Variants in PRKAR1B observed in about 807,000 individuals in gnomAD.
The protein encoded by PRKAR1B is cAMP-dependent protein kinase type I-beta regulatory subunit.
PRKAR1B carries 22 observed loss-of-function variants against 46.5 expected under a neutral mutation model. The ratio of observed to expected loss-of-function variants is 0.47; its 90% CI spans 0.34 to 0.68. PRKAR1B has a LOEUF of 0.68. Ranked by LOEUF, PRKAR1B falls within the 30% of genes least tolerant of loss-of-function variation. The probability of loss-of-function intolerance (pLI) is 0.01; values close to 1 mark genes in which losing one functional copy is unlikely to be tolerated. For synonymous variants in PRKAR1B, 259 were observed against 217.7 expected, an observed-to-expected ratio of 1.19 and a Z score of -1.67; for missense variants, 445 against 535.6, an observed-to-expected ratio of 0.83 and a Z score of 1.67.
At chr7:623,890 T>TA (rs1403951519) in intron 4 of PRKAR1B, among the ~76,000 whole-genome samples, 1 of 151,956 alleles carries the variant, frequency 6.6e-6, no homozygotes, top group African/African-American at 2.4e-5. Flanking sequence ...AGAAGGGAGG[T>TA]ACAAGCCAAG....
intron 9 of PRKAR1B, among the ~76,000 whole-genome samples, chr7:564,126 C>T (rs1043309762): frequency 3.9e-5 from 6 of 152,162 alleles, no homozygotes; most frequent in South Asian, 4.2e-4. Flanking sequence ...CCATACCCCA[C>T]GCAGCCACCA....
intron 4 of PRKAR1B, among the ~76,000 whole-genome samples, chr7:627,510 G>A (rs962574900): frequency 6.6e-6 from 1 of 152,188 alleles, no homozygotes; most frequent in African/African-American, 2.4e-5. Flanking sequence ...GACCCAGGCG[G>A]TCGGACAGCC....
intron 7 of PRKAR1B, among the ~76,000 whole-genome samples, chr7:591,405 C>T (rs917863883): frequency 2.6e-5 from 4 of 152,094 alleles, no homozygotes; most frequent in East Asian, 1.9e-4. Context: ...GCCCACGGCA[C>T]GGGGAGGGCG....
intron 9 of PRKAR1B, among the ~76,000 whole-genome samples, chr7:576,202 C>T (rs960785262): frequency 6.9e-6 from 1 of 144,204 alleles, no homozygotes; most frequent in Admixed American, 6.8e-5. Flanking sequence ...TGCACATGGG[C>T]AGGCGTGCAC....
chr7:554,211 T>C (rs923257221), intron 9 of PRKAR1B, among the ~76,000 whole-genome samples: 3 of 152,186 alleles, frequency 2.0e-5, no homozygotes, highest in African/African-American at 2.4e-5. Context: ...AGAACTCTGC[T>C]TCCTGGTCTT....
At chr7:671,252 C>T (rs553291985) in intron 4 of PRKAR1B, among the ~76,000 whole-genome samples, 23 of 152,310 alleles carry the variant, frequency 1.5e-4, no homozygotes, top group Admixed American at 3.9e-4. Flanking sequence ...TGGCCAGAGC[C>T]GGGCTTTTGA....
intron 4 of PRKAR1B, chr7:607,849 A>AT (rs1290689301): frequency 4.9e-6 from 1 of 205,118 alleles, no homozygotes; most frequent in African/African-American, 2.4e-5. Flanking sequence ...TGTTTTCTGC[A>AT]TTGTTTTCCT....
rs66758527 is a variant in PRKAR1B, at chr7:611,769, A to AATGGATGGATGG, written c.441-4329_441-4318dup. Among the ~76,000 whole-genome samples the AATGGATGGATGG allele has an allele frequency of 6.3e-3, 942 of 150,066 alleles. 8 individuals carry two copies. The highest frequency in any genetic ancestry group is 0.022 in the African/African-American group (890 of 40,870). On this transcript the variant is annotated intron_variant, in intron 4 of 10. Coordinates refer to ENST00000537384, the MANE Select transcript of PRKAR1B (RefSeq NM_001164760.2). ...GTACAGGTGGGTGAGTAGACGAATG[A>AATGGATGGATGG]ATGGATGGATGGATGGATGGATGGA...
chr7:675,589 CAA>C, intron 4 of PRKAR1B, among the ~76,000 whole-genome samples: 1 of 152,276 alleles, frequency 6.6e-6, no homozygotes, highest in East Asian at 1.9e-4. Context: ...GAATTTATCT[CAA>C]AGAAAGAAAC....
At chr7:552,389 T>TC (rs1313681959) in intron 9 of PRKAR1B, among the ~76,000 whole-genome samples, 13 of 24,630 alleles carry the variant, frequency 5.3e-4, no homozygotes, top group Non-Finnish European at 7.2e-4. Context: ...CGGGTCCTTC[T>TC]CCAGAGCCAC....
chr7:599,170 G>A (rs1781448972), intron 6 of PRKAR1B, among the ~76,000 whole-genome samples: 1 of 152,196 alleles, frequency 6.6e-6, no homozygotes, highest in Non-Finnish European at 1.5e-5. Flanking sequence ...GTGCTCGGCC[G>A]CCCGGAGGAC....
rs1779137443 is a variant in PRKAR1B at position 566,381 on chromosome 7, TCATCACCAC to T, written c.891+12866_891+12874del. Among the ~76,000 whole-genome samples, 3 of 1,452 alleles carry T rather than the reference TCATCACCAC, an allele frequency of 2.1e-3. No homozygotes were observed. In the South Asian group the frequency reaches 0.062, roughly 30 times the overall value. 1.0% of individuals were successfully genotyped at this position (1,452 alleles called of 152,430 possible). A position where few individuals can be genotyped will look rare whatever the true frequency, so the allele number is the denominator to read the frequency against. On this transcript the variant is annotated intron_variant, in intron 9 of 10. Transcript: ENST00000537384. ...TCACCATATTCACCATTTCATCACCTCATCACCACCATCACCACCACTTCCACCATCATT... is the reference window on the plus strand; with the variant it reads ...TCACCATATTCACCATTTCATCACCTCATCACCACCACTTCCACCATCATT...
chr7:678,583 T>A (rs1287822665), intron 3 of PRKAR1B, among the ~76,000 whole-genome samples: 1 of 152,204 alleles, frequency 6.6e-6, no homozygotes. Context: ...CCGCTTAAAA[T>A]GAAACCACGC....
chr7:587,723 G>A (rs1157235774), intron 7 of PRKAR1B, among the ~76,000 whole-genome samples: 1 of 151,370 alleles, frequency 6.6e-6, no homozygotes, highest in Admixed American at 6.6e-5. Context: ...GCCCTCCTGT[G>A]CAGCCCTCCT....
At chr7:583,571 C>A (rs573530078) in intron 8 of PRKAR1B, among the ~76,000 whole-genome samples, 2,917 of 67,040 alleles carry the variant, frequency 0.044, 132 homozygotes, top group African/African-American at 0.14. Context: ...CACACCCATG[C>A]ACACACACTT....
chr7:615,693 T>G (rs1285063783), intron 4 of PRKAR1B, among the ~76,000 whole-genome samples: 5 of 149,314 alleles, frequency 3.3e-5, no homozygotes, highest in Admixed American at 2.7e-4. Context: ...CCGGGCGTGG[T>G]GGCAGGCGCC....
At chr7:555,750 G>T (rs1291468750) in intron 9 of PRKAR1B, among the ~76,000 whole-genome samples, 2 of 152,210 alleles carry the variant, frequency 1.3e-5, no homozygotes, top group Admixed American at 1.3e-4. Context: ...CACACAGTCA[G>T]AGTCCCGCTG....
intron 2 of PRKAR1B, among the ~76,000 whole-genome samples, chr7:690,798 C>CA (rs1426560755): frequency 1.1e-4 from 16 of 151,508 alleles, no homozygotes; most frequent in Non-Finnish European, 1.3e-4. Flanking sequence ...TAAAAAAAAA[C>CA]AAAAAAACAC....
At chr7:551,804 C>T in intron 9 of PRKAR1B, among the ~76,000 whole-genome samples, 2 of 144,070 alleles carry the variant, frequency 1.4e-5, no homozygotes, top group Non-Finnish European at 3.0e-5. Flanking sequence ...ACCATGTCAC[C>T]ACCCAAACCC....
Sources: allele counts gnomAD v4.1 joint callset (sites outside exome capture counted in the v4.1 genomes callset), GRCh38; gene constraint gnomAD v4.1.1; transcripts MANE v1.5; gene names NCBI Gene and HGNC (gene_info 2026-07-23, HGNC 2026-07-21).